The following PFKP variants were observed in gnomAD, a reference collection of about 807,000 sequenced individuals.
PFKP encodes the protein ATP-dependent 6-phosphofructokinase, platelet type.
In PFKP, 101 loss-of-function variants were observed where a neutral mutation model predicts 94.3. The ratio of observed to expected loss-of-function variants is 1.07; its 90% confidence interval spans 0.91 to 1.26. The LOEUF is 1.26. PFKP is among the 50% of genes most tolerant of loss of function. The pLI, the probability that PFKP is intolerant of heterozygous loss-of-function variation, is 0.00. For missense variants in PFKP, 1,145 were observed against 1,103.3 expected, an observed-to-expected ratio of 1.04 and a Z score of -0.53; for synonymous variants, 573 against 432.6, an observed-to-expected ratio of 1.32 and a Z score of -4.03.
At chr10:3,125,730 T>G (rs1358930823) in intron 16 of PFKP, among the ~76,000 whole-genome samples, 2 of 152,228 alleles carry the variant, frequency 1.3e-5, no homozygotes, top group Non-Finnish European at 2.9e-5. Context: ...GCAGGCGGTT[T>G]CACCAACATG....
At chr10:3,071,020 G>T (rs1335174236) in intron 1 of PFKP, among the ~76,000 whole-genome samples, 2 of 152,064 alleles carry the variant, frequency 1.3e-5, no homozygotes, top group Non-Finnish European at 2.9e-5. Flanking sequence ...CAAAGAGCTG[G>T]GACTACAGAC....
chr10:3,132,656 T>C (rs1838727581), intron 18 of PFKP, among the ~76,000 whole-genome samples: 1 of 152,234 alleles, frequency 6.6e-6, no homozygotes, highest in Non-Finnish European at 1.5e-5. Context: ...TCTCTTATTC[T>C]TTGATATCTT....
chr10:3,108,827 T>C, intron 9 of PFKP, 34 bp downstream of exon 9: 2 of 1,451,846 alleles, frequency 1.4e-6, no homozygotes, highest in Non-Finnish European at 1.9e-6. Context: ...CTTCACAAGG[T>C]CTCTAGGAGG....
At chr10:3,069,990 A>G (rs1438740961) in intron 1 of PFKP, among the ~76,000 whole-genome samples, 2 of 152,212 alleles carry the variant, frequency 1.3e-5, no homozygotes, top group Non-Finnish European at 2.9e-5. Context: ...TATGTGGGGA[A>G]CGCGGCTTGG....
intron 13 of PFKP, among the ~76,000 whole-genome samples, chr10:3,116,512 C>T (rs1245827277): frequency 6.6e-6 from 1 of 152,166 alleles, no homozygotes; most frequent in African/African-American, 2.4e-5. Context: ...GCTGATGTAT[C>T]TCACACGTGG....
chr10:3,093,861 T>A (rs369046176), intron 2 of PFKP, among the ~76,000 whole-genome samples: 1 of 152,116 alleles, frequency 6.6e-6, no homozygotes, highest in Non-Finnish European at 1.5e-5. Flanking sequence ...GCCAGGATGG[T>A]CTCCATCTCC....
intron 2 of PFKP, among the ~76,000 whole-genome samples, chr10:3,098,310 C>T (rs746934772): frequency 2.6e-5 from 4 of 152,010 alleles, no homozygotes; most frequent in Non-Finnish European, 5.9e-5. Flanking sequence ...ATGAAGTTAC[C>T]CGTGGGCATT....
chr10:3,109,415 G>T lies in PFKP; in HGVS notation c.1024G>T (p.Ala342Ser). The T allele has an allele frequency of 1.9e-6, 3 of 1,610,032 alleles. No individual in the cohort carries two copies. ...GCTAGAGGCCACCCCGGACACCCCA[G>T]CTTGCGTCGTGTCACTGAACGGGAA... is the stretch of plus-strand genomic sequence containing the variant. Reference protein sequence around the residue: ...ALLEATPDTPACVVSLNGNHA... With the variant: ...ALLEATPDTPSCVVSLNGNHA... The change falls in exon 10 of 22, where the codon GCT (alanine) becomes TCT (serine). Residue 342 changes from alanine (A) to serine (S), a missense_variant. By Grantham distance (99) the Ala-to-Ser change is moderately conservative. Coordinates refer to ENST00000381125, the MANE Select transcript of PFKP (RefSeq NM_002627.5).
At chr10:3,109,212 G>A (rs1000474608) in intron 9 of PFKP, 143 bp from the exon 10 acceptor site, 14 of 1,057,802 alleles carry the variant, frequency 1.3e-5, no homozygotes, top group Admixed American at 1.1e-4. Flanking sequence ...AGTGGAAATC[G>A]CTTTGCTCTA....
rs762231458 is a variant in PFKP at position 3,067,663 on chromosome 10, C to T, written c.68C>T (p.Ala23Val). The T allele has an allele frequency of 1.6e-5, 24 of 1,533,032 alleles. No homozygotes were observed. The East Asian group carries it at 1.8e-4, about 12-fold the overall frequency. 95.0% of individuals were successfully genotyped at this position (1,533,032 alleles called of 1,614,324 possible). The change falls in exon 1 of 22, where the codon GCC becomes GTC. Residue 23 changes from alanine to valine, a missense_variant. Around this residue, in one of 3 missense-constraint regions of PFKP, gnomAD observed 1,119 missense variants for 1,062.8 expected, o/e 1.05. Coordinates refer to ENST00000381125, the MANE Select transcript of PFKP (RefSeq NM_002627.5). ...AAGTTCCTGGAGCACCTCTCCGGGG[C>T]CGGCAAGGCCATCGGCGTGCTGACC... ...LRKFLEHLSG[A>V]GKAIGVLTSG...
intron 16 of PFKP, among the ~76,000 whole-genome samples, chr10:3,126,423 G>A (rs764060016): frequency 4.6e-5 from 7 of 152,216 alleles, no homozygotes; most frequent in Non-Finnish European, 8.8e-5. Context: ...TCCGGCCATC[G>A]CTGGCTTCAC....
intron 16 of PFKP, chr10:3,125,262 C>CGT (rs1837826287): frequency 1.7e-5 from 22 of 1,282,934 alleles, no homozygotes; most frequent in Admixed American, 2.6e-5. Flanking sequence ...AAGAGAACCC[C>CGT]GTTTCCTCTC....
chr10:3,134,535 G>A lies in PFKP; in HGVS notation c.2075G>A (p.Arg692Lys). ...DRNFGTKISA[R>K]AMEWITAKLK... ...AACTTTGGAACCAAAATCTCTGCCAGAGCTATGGAGTGGATCACTGCAAAA... is the reference window on the plus strand; with the variant it reads ...AACTTTGGAACCAAAATCTCTGCCAAAGCTATGGAGTGGATCACTGCAAAA... The change falls in exon 20 of 22, where the codon AGA (arginine) becomes AAA (lysine). Residue 692 changes from arginine (R) to lysine (K), a missense_variant. By Grantham distance (26) the Arg-to-Lys change is conservative. Coordinates refer to ENST00000381125, the MANE Select transcript of PFKP (RefSeq NM_002627.5). 2 of 1,614,100 alleles carry A rather than the reference G, an allele frequency of 1.2e-6. No homozygotes were observed. Among genetic ancestry groups the A allele is most frequent in the Non-Finnish European group, 8.5e-7 (1 of 1,179,980 alleles).
At chr10:3,129,685 C>T (rs2131705421) in intron 16 of PFKP, 134 bp from the exon 17 acceptor site, 3 of 927,516 alleles carry the variant, frequency 3.2e-6, no homozygotes, top group Non-Finnish European at 5.0e-6. Context: ...ACACCCTTCA[C>T]CTCTGCGGGA....
In PFKP at chr10:3,073,833, T is replaced by TGTTC. The variant is rs372592936; in HGVS notation, c.112+6129_112+6130insCGTT. Among the ~76,000 whole-genome samples, 1,127 of 152,112 alleles carry TGTTC rather than the reference T, an allele frequency of 7.4e-3. 12 individuals are homozygous for TGTTC. Among genetic ancestry groups the TGTTC allele is most frequent in the African/African-American group, 0.026 (1,093 of 41,490 alleles). On this transcript the variant is annotated intron_variant, in intron 1 of 21. Transcript: ENST00000381125. ...TTTCTGTGTGTGTGTGTGTTTTTTT[T>TGTTC]GTTTGTTTGTTTGTTTGTTTTTGAG...
intron 16 of PFKP, among the ~76,000 whole-genome samples, chr10:3,126,662 G>A (rs546604693): frequency 4.2e-4 from 64 of 152,358 alleles, no homozygotes; most frequent in African/African-American, 1.4e-3. Context: ...CACAGAGCAA[G>A]GTGGTTCTCA....
intron 2 of PFKP, among the ~76,000 whole-genome samples, chr10:3,091,802 A>G (rs1049753922): frequency 2.6e-5 from 4 of 152,110 alleles, no homozygotes; most frequent in Non-Finnish European, 4.4e-5. Context: ...AAAAGAAAAA[A>G]GTCTTTTATC....
intron 2 of PFKP, among the ~76,000 whole-genome samples, chr10:3,092,213 C>T (rs912826361): frequency 6.6e-6 from 1 of 152,180 alleles, no homozygotes; most frequent in Non-Finnish European, 1.5e-5. Flanking sequence ...GAAATATCAG[C>T]ATGTGATCTT....
chr10:3,096,854 G>A (rs1223793929), intron 2 of PFKP, among the ~76,000 whole-genome samples: 1 of 139,280 alleles, frequency 7.2e-6, no homozygotes, highest in Non-Finnish European at 1.6e-5. Context: ...CGAGGCGGGC[G>A]GATCACGAGG....
Sources: gnomAD v4.1 joint callset for allele counts (sites outside exome capture counted in the v4.1 genomes callset) on GRCh38, gnomAD v4.1.1 for gene constraint, gnomAD v4.1.1 regional missense constraint, MANE v1.5 for transcripts, NCBI Gene and HGNC (gene_info 2026-07-23, HGNC 2026-07-21) for gene names.